The following MTUS2 variants were observed in gnomAD, a reference collection of about 807,000 sequenced individuals.
The protein encoded by MTUS2 is microtubule-associated tumor suppressor candidate 2.
MTUS2 carries 40 observed loss-of-function variants against 114.1 expected under a neutral mutation model. That is an observed-to-expected ratio of 0.35 (90% CI 0.27 to 0.46). The LOEUF (loss-of-function observed/expected upper bound fraction) is 0.46. MTUS2 is among the 20% of genes least tolerant of loss of function. The pLI, the probability that MTUS2 is intolerant of heterozygous loss-of-function variation, is 1.00. For missense variants in MTUS2, 1,679 were observed against 1,705.4 expected, an observed-to-expected ratio of 0.98 and a Z score of 0.27; for synonymous variants, 688 against 672.0, an observed-to-expected ratio of 1.02 and a Z score of -0.37.
chr13:29,360,892 T>A (rs1268510901), intron 8 of MTUS2, among the ~76,000 whole-genome samples: 1 of 152,164 alleles, frequency 6.6e-6, no homozygotes, highest in African/African-American at 2.4e-5. Flanking sequence ...CACTGCCTGC[T>A]CTGGGACTCT....
At chr13:28,943,022 A>G (rs944035624) in intron 2 of MTUS2, among the ~76,000 whole-genome samples, 15 of 152,250 alleles carry the variant, frequency 9.9e-5, no homozygotes, top group Non-Finnish European at 1.5e-5. Flanking sequence ...CCTTATCACA[A>G]AAAGCTTGAA....
chr13:28,960,719 G>T (rs2138210815), intron 2 of MTUS2, among the ~76,000 whole-genome samples: 1 of 152,296 alleles, frequency 6.6e-6, no homozygotes, highest in East Asian at 1.9e-4. Context: ...GATGAGGAGT[G>T]ACTGGTGATG....
intron 9 of MTUS2, among the ~76,000 whole-genome samples, chr13:29,469,161 C>T (rs73446162): frequency 1.3e-5 from 2 of 152,106 alleles, no homozygotes; most frequent in Non-Finnish European, 2.9e-5. Flanking sequence ...CTGGTGTGGA[C>T]GGAGCCTGGG....
At chr13:29,366,740 G>C (rs993834296) in intron 8 of MTUS2, among the ~76,000 whole-genome samples, 1 of 152,136 alleles carries the variant, frequency 6.6e-6, no homozygotes, top group African/African-American at 2.4e-5. Flanking sequence ...ATTCCTTGGG[G>C]ACACCACCAA....
At chr13:29,366,099 C>T (rs1338139751) in intron 8 of MTUS2, among the ~76,000 whole-genome samples, 2 of 152,176 alleles carry the variant, frequency 1.3e-5, no homozygotes, top group African/African-American at 4.8e-5. Flanking sequence ...TTCAGTGCCT[C>T]TGACTCTGTG....
intron 2 of MTUS2, among the ~76,000 whole-genome samples, chr13:28,998,979 T>C: frequency 6.6e-6 from 1 of 152,130 alleles, no homozygotes; most frequent in East Asian, 1.9e-4. Flanking sequence ...ATTTTTAGAG[T>C]TTCCGGTTTT....
At chr13:29,363,960 T>C (rs1466807826) in intron 8 of MTUS2, among the ~76,000 whole-genome samples, 1 of 152,048 alleles carries the variant, frequency 6.6e-6, no homozygotes, top group Non-Finnish European at 1.5e-5. Flanking sequence ...TTTGGGGAGA[T>C]TGCATAGTCC....
intron 6 of MTUS2, among the ~76,000 whole-genome samples, chr13:29,305,263 A>C (rs969971846): frequency 1.3e-5 from 2 of 152,186 alleles, no homozygotes; most frequent in African/African-American, 4.8e-5. Flanking sequence ...CAAAGCTAGC[A>C]GAAGACAAGG....
Position 28,906,141 on chromosome 13 carries a change from CTGTTT to C in MTUS2, c.-243+66293_-243+66297del, listed in dbSNP as rs1198920293. 7.3e-5 allele frequency among the ~76,000 whole-genome samples: 11 copies of C among 151,254 alleles called. 1 individual carries two copies. Among genetic ancestry groups the C allele is most frequent in the Non-Finnish European group, 1.5e-4 (10 of 67,858 alleles). On this transcript the variant is annotated intron_variant, in intron 2 of 15. Coordinates refer to ENST00000612955, the MANE Select transcript of MTUS2 (RefSeq NM_001033602.4). ...TTTATTGTGTCTGTTTGATTCTTCT[CTGTTT>C]TCTTCTTTATTAGTCTTGCTAGCGG...
intron 4 of MTUS2, among the ~76,000 whole-genome samples, chr13:29,087,834 G>A (rs1204307200): frequency 2.6e-5 from 4 of 152,226 alleles, no homozygotes; most frequent in South Asian, 2.1e-4. Context: ...TGAGGCAGGC[G>A]GATCACAAGG....
intron 5 of MTUS2, among the ~76,000 whole-genome samples, chr13:29,225,052 A>G (rs1436154051): frequency 6.6e-6 from 1 of 152,200 alleles, no homozygotes; most frequent in Non-Finnish European, 1.5e-5. Context: ...GGGCCCAGGC[A>G]TCAGTGAGCA....
At chr13:29,396,054 T>C (rs765416688) in intron 8 of MTUS2, among the ~76,000 whole-genome samples, 1 of 152,252 alleles carries the variant, frequency 6.6e-6, no homozygotes, top group Non-Finnish European at 1.5e-5. Flanking sequence ...TATGTACATG[T>C]GCTCAGCTGT....
chr13:29,207,583 C>T (rs1397788477), intron 5 of MTUS2, among the ~76,000 whole-genome samples: 1 of 151,926 alleles, frequency 6.6e-6, no homozygotes, highest in African/African-American at 2.4e-5. Flanking sequence ...CTTTTATTAA[C>T]TTAAAGTGTA....
At chr13:29,271,103 A>T (rs1593245815) in intron 5 of MTUS2, among the ~76,000 whole-genome samples, 1 of 152,304 alleles carries the variant, frequency 6.6e-6, no homozygotes, top group East Asian at 1.9e-4. Flanking sequence ...CTTCTAGTCT[A>T]TGCCTTTAAA....
chr13:29,114,270 A>G (rs2138875536), intron 5 of MTUS2, among the ~76,000 whole-genome samples: 1 of 152,258 alleles, frequency 6.6e-6, no homozygotes, highest in South Asian at 2.1e-4. Flanking sequence ...TTCACTTTAA[A>G]GCTTTGTATA....
chr13:29,353,154 G>C (rs559645986), intron 7 of MTUS2, among the ~76,000 whole-genome samples: 2 of 152,210 alleles, frequency 1.3e-5, no homozygotes, highest in South Asian at 2.1e-4. Flanking sequence ...TTTCCTTTAT[G>C]AGTATTGGAT....
chr13:29,488,804 T>C (rs1407928548), intron 11 of MTUS2, among the ~76,000 whole-genome samples: 2 of 152,244 alleles, frequency 1.3e-5, no homozygotes, highest in Non-Finnish European at 2.9e-5. Context: ...TTCTACATTT[T>C]TGTAACTTTG....
At chr13:29,019,529 CA>C (rs1886208786) in intron 2 of MTUS2, among the ~76,000 whole-genome samples, 1 of 152,112 alleles carries the variant, frequency 6.6e-6, no homozygotes, top group Non-Finnish European at 1.5e-5. Context: ...TTGAGACCAG[CA>C]AGGTGATGTT....
chr13:29,494,187 A>G (rs1400568667), intron 12 of MTUS2, among the ~76,000 whole-genome samples: 1 of 152,246 alleles, frequency 6.6e-6, no homozygotes, highest in Admixed American at 6.5e-5. Flanking sequence ...TAACGTGTGA[A>G]AAGTGGATAG....
Sources: allele counts gnomAD v4.1 joint callset (sites outside exome capture counted in the v4.1 genomes callset), GRCh38; gene constraint gnomAD v4.1.1; transcripts MANE v1.5; gene names NCBI Gene and HGNC (gene_info 2026-07-23, HGNC 2026-07-21).